RALGDS: variants seen among roughly 807,000 people sequenced by gnomAD.
RALGDS encodes the protein ral guanine nucleotide exchange factor.
Under a neutral mutation model 99.8 loss-of-function variants are expected in RALGDS, and 44 were observed. The observed-to-expected ratio is 0.44, with a 90% CI of 0.35 to 0.57. The LOEUF (loss-of-function observed/expected upper bound fraction) is 0.57. RALGDS is among the 20% of genes least tolerant of loss of function. The probability of loss-of-function intolerance (pLI) is 0.01; values close to 1 mark genes in which losing one functional copy is unlikely to be tolerated. For synonymous variants in RALGDS, 529 were observed against 505.0 expected (o/e 1.05, Z -0.64); for missense variants, 1,022 against 1,203.1 (o/e 0.85, Z 2.23).
chr9:133,104,497 C>T (rs943121255), intron 9 of RALGDS, 166 bp from the exon 10 acceptor site: 4 of 660,352 alleles, frequency 6.1e-6, no homozygotes, highest in East Asian at 2.7e-5. Flanking sequence ...CCTGCCTCCC[C>T]CTCTGGAAAG....
intron 1 of RALGDS, among the ~76,000 whole-genome samples, chr9:133,118,900 G>A (rs1831757214): frequency 6.6e-6 from 1 of 152,208 alleles, no homozygotes; most frequent in African/African-American, 2.4e-5. Flanking sequence ...AGAAGGTGGT[G>A]TTGGCACCTA....
Position 133,098,086 on chromosome 9 carries a change from C to T in RALGDS, c.*501G>A, listed in dbSNP as rs1289966527. On this transcript the variant is annotated 3_prime_UTR_variant, in exon 18 of 18. Coordinates refer to ENST00000372050, the MANE Select transcript of RALGDS (RefSeq NM_006266.4). ...GCGGTGGGTGAGACTCCCTCACTCT[C>T]AGTTGGCCCTGATGATGGAATCTTT... 2 of 270,822 alleles carry T rather than the reference C, an allele frequency of 7.4e-6. No individual in the cohort carries two copies. Among genetic ancestry groups the T allele is most frequent in the Non-Finnish European group, 1.4e-5 (2 of 139,868 alleles). The allele number at this position is 270,822 out of a possible 1,614,324, so 16.8% of individuals were successfully genotyped here. A position where few individuals can be genotyped will look rare whatever the true frequency, so the allele number is the denominator to read the frequency against.
At chr9:133,112,780 A>C (rs1831414412) in intron 1 of RALGDS, among the ~76,000 whole-genome samples, 3 of 152,150 alleles carry the variant, frequency 2.0e-5, no homozygotes, top group African/African-American at 7.2e-5. Context: ...GGCACCCCAG[A>C]CAGCCACATC....
At chr9:133,118,963 C>T (rs920034604) in intron 1 of RALGDS, among the ~76,000 whole-genome samples, 8 of 152,214 alleles carry the variant, frequency 5.3e-5, no homozygotes, top group African/African-American at 1.7e-4. Flanking sequence ...CCACAACCTG[C>T]ACTTTTTGTC....
chr9:133,119,507 G>A (rs1189829551), intron 1 of RALGDS, among the ~76,000 whole-genome samples: 5 of 152,182 alleles, frequency 3.3e-5, no homozygotes, highest in East Asian at 3.9e-4. Flanking sequence ...AAGACCCCCA[G>A]GCAGGGGTGG....
At position 133,144,705 on chromosome 9, in the gene RALGDS, C is replaced by G. The variant is rs1250356482; in HGVS notation, c.18+4258G>C. Among the ~76,000 whole-genome samples, 1 of 152,252 alleles carries G rather than the reference C, an allele frequency of 6.6e-6. No individual in the cohort carries two copies. The highest frequency in any genetic ancestry group is 1.5e-5 in the Non-Finnish European group (1 of 68,044). On this transcript the variant is annotated intron_variant, in intron 1 of 17. Coordinates refer to the RALGDS transcript ENST00000393160. This position sits in a 1 kb window ranked among gnomAD's most constrained non-coding sequence, Gnocchi z 4.5. ...GCTGGGTTCCTGCGATGTCTTCCGA[C>G]TCCCCGCTGCTCCCCTAGTCCCCGT...
intron 16 of RALGDS, 68 bp from the exon 17 acceptor site, chr9:133,100,450 C>T: frequency 6.2e-7 from 1 of 1,609,252 alleles, no homozygotes; most frequent in Non-Finnish European, 8.5e-7. Context: ...AGTGCAGTGG[C>T]CAAGGACCCT....
At chr9:133,135,740 G>A (rs1832415352), upstream of RALGDS, among the ~76,000 whole-genome samples, 1 of 152,152 alleles carries the variant, frequency 6.6e-6, no homozygotes, top group African/African-American at 2.4e-5. Flanking sequence ...CATCAACAGG[G>A]AACATCTCTG....
chr9:133,115,882 C>A lies in RALGDS; in HGVS notation c.184-3730G>T, dbSNP rs144460858. ...GAGCAGCTTTCTGACTTCAGCTTTC[C>A]GCTCCAATACAGAAGCCAAACGTAA... On this transcript the variant is annotated intron_variant, in intron 1 of 17. Transcript: ENST00000372050. 4.3e-3 allele frequency among the ~76,000 whole-genome samples: 648 copies of A among 152,360 alleles called. 4 individuals are homozygous for A. Among genetic ancestry groups the A allele is most frequent in the Non-Finnish European group, 5.6e-3 (383 of 68,034 alleles).
chr9:133,118,791 A>G (rs1345431599), intron 1 of RALGDS, among the ~76,000 whole-genome samples: 1 of 152,220 alleles, frequency 6.6e-6, no homozygotes, highest in East Asian at 1.9e-4. Context: ...AGTAGGTGCC[A>G]CAGAGAACAC....
At chr9:133,117,353 C>A (rs1220815266) in intron 1 of RALGDS, among the ~76,000 whole-genome samples, 1 of 152,218 alleles carries the variant, frequency 6.6e-6, no homozygotes, top group Non-Finnish European at 1.5e-5. Context: ...CCCAGCATAG[C>A]TCTCTTCTCT....
At chr9:133,143,791 A>AAGGATGG (rs1832574010) in intron 1 of RALGDS, among the ~76,000 whole-genome samples, 1 of 82,394 alleles carries the variant, frequency 1.2e-5, no homozygotes, top group African/African-American at 4.7e-5. Flanking sequence ...AACAACAATA[A>AAGGATGG]TAATAATAAT....
chr9:133,120,230 C>G (rs1272461007), intron 1 of RALGDS, among the ~76,000 whole-genome samples: 1 of 152,134 alleles, frequency 6.6e-6, no homozygotes, highest in Admixed American at 6.5e-5. Flanking sequence ...ACCTAGTCAC[C>G]CTCCCCTCCA....
intron 1 of RALGDS, among the ~76,000 whole-genome samples, chr9:133,139,916 T>C (rs1474195636): frequency 6.6e-6 from 1 of 152,122 alleles, no homozygotes; most frequent in Non-Finnish European, 1.5e-5. Context: ...AACCCACTTG[T>C]CTGGGTCCCC....
intron 9 of RALGDS, 41 bp downstream of exon 9, chr9:133,105,889 CAG>C: frequency 7.8e-5 from 6 of 76,728 alleles, no homozygotes; most frequent in South Asian, 2.1e-4. Flanking sequence ...GCCCCCGCCC[CAG>C]CCCCCGCCCC....
chr9:133,099,888 T>C (rs1006251327), intron 17 of RALGDS: 1 of 303,790 alleles, frequency 3.3e-6, no homozygotes, highest in Non-Finnish European at 6.4e-6. Flanking sequence ...CACACACTCA[T>C]GGATTTTAAC....
Position 133,140,846 on chromosome 9 carries a change from G to A in RALGDS, c.18+8117C>T, listed in dbSNP as rs1455893533. Among the ~76,000 whole-genome samples the A allele has an allele frequency of 4.6e-5, 7 of 152,052 alleles. No individual in the cohort carries two copies. In the East Asian group the frequency reaches 1.2e-3, roughly 25 times the overall value. ...GTGGCATCCGGCAAGAACGTGGGCC[G>A]GGGCTGCACGCACCTTGGGCTGTGG... is the stretch of plus-strand genomic sequence containing the variant. On this transcript the variant is annotated intron_variant, in intron 1 of 17. Coordinates refer to the RALGDS transcript ENST00000393160.
At chr9:133,132,122 T>C (rs757682055), upstream of RALGDS, among the ~76,000 whole-genome samples, 1 of 152,112 alleles carries the variant, frequency 6.6e-6, no homozygotes, top group Non-Finnish European at 1.5e-5. Flanking sequence ...GTGCTCAGAG[T>C]GTGGCTTGTA....
chr9:133,109,816 T>C lies in RALGDS; in HGVS notation c.489-95A>G, dbSNP rs985561341. 1.2e-5 allele frequency: 11 copies of C among 928,408 alleles called. No individual in the cohort carries two copies. The African/African-American group carries it at 1.8e-4, about 15-fold the overall frequency. The allele number at this position is 928,408 out of a possible 1,614,324, so 57.5% of individuals were successfully genotyped here. A position where few individuals can be genotyped will look rare whatever the true frequency, so the allele number is the denominator to read the frequency against. On this transcript the variant is annotated intron_variant, in intron 3 of 17. Coordinates refer to ENST00000372050, the MANE Select transcript of RALGDS (RefSeq NM_006266.4). ...TTTTTTTTGCTTTTTTTCATCAAAT[T>C]ATATTAAATGCCTAGAAAAGGGCCA...
Sources: allele counts gnomAD v4.1 joint callset (sites outside exome capture counted in the v4.1 genomes callset), GRCh38; gene constraint gnomAD v4.1.1; non-coding constraint Gnocchi (gnomAD v3.1); transcripts MANE v1.5; gene names NCBI Gene and HGNC (gene_info 2026-07-23, HGNC 2026-07-21).